Variants in VOPP1 observed in about 807,000 individuals in gnomAD.
The protein encoded by VOPP1 is VOPP1 WW domain binding protein.
In VOPP1, 8 loss-of-function variants were observed where a neutral mutation model predicts 23.5. The ratio of observed to expected loss-of-function variants is 0.34; its 90% confidence interval spans 0.20 to 0.61. VOPP1 has a LOEUF of 0.61. VOPP1 is among the 20% of genes least tolerant of loss of function. The pLI is 0.78. For missense variants in VOPP1, 174 were observed against 238.1 expected, an observed-to-expected ratio of 0.73 and a Z score of 1.77; for synonymous variants, 83 against 97.3, an observed-to-expected ratio of 0.85 and a Z score of 0.86.
chr7:55,501,761 G>T (rs1241253607), intron 2 of VOPP1, among the ~76,000 whole-genome samples: 2 of 152,126 alleles, frequency 1.3e-5, no homozygotes, highest in African/African-American at 2.4e-5. Flanking sequence ...AATAAGGGGG[G>T]TGCAGAACAG....
downstream of VOPP1, among the ~76,000 whole-genome samples, chr7:55,468,284 A>AG (rs199588425): frequency 2.0e-5 from 3 of 147,270 alleles, no homozygotes; most frequent in African/African-American, 7.4e-5. Flanking sequence ...AAAAAAAAAA[A>AG]AAAAGAAAAA....
intron 3 of VOPP1, among the ~76,000 whole-genome samples, chr7:55,496,170 A>G (rs1055446226): frequency 6.6e-6 from 1 of 152,162 alleles, no homozygotes; most frequent in African/African-American, 2.4e-5. Flanking sequence ...TTCATTTTTT[A>G]CAAGCATTCT....
chr7:55,537,467 T>G, intron 1 of VOPP1: 1 of 1,536,038 alleles, frequency 6.5e-7, no homozygotes, highest in Non-Finnish European at 8.7e-7. Context: ...GGGCCAGGCT[T>G]CACAGCAAAC....
At chr7:55,443,116 C>T (rs1791008169) in intron 4 of VOPP1, among the ~76,000 whole-genome samples, 1 of 151,122 alleles carries the variant, frequency 6.6e-6, no homozygotes, top group Non-Finnish European at 1.5e-5. Flanking sequence ...AAGACTCCGT[C>T]TCAAAAAAAT....
intron 2 of VOPP1, among the ~76,000 whole-genome samples, chr7:55,518,314 C>T (rs766715650): frequency 2.0e-5 from 3 of 152,178 alleles, no homozygotes; most frequent in South Asian, 2.1e-4. Context: ...CACTTTAAAA[C>T]GGTTAATTCT....
At chr7:55,439,581 G>T (rs1001968032) in intron 4 of VOPP1, among the ~76,000 whole-genome samples, 1 of 152,244 alleles carries the variant, frequency 6.6e-6, no homozygotes, top group Admixed American at 6.5e-5. Flanking sequence ...AACACAGGAC[G>T]CAGTGGAAGT....
chr7:55,516,932 A>AT (rs71031862), intron 2 of VOPP1, among the ~76,000 whole-genome samples: 10 of 45,158 alleles, frequency 2.2e-4, no homozygotes, highest in African/African-American at 9.6e-4. Flanking sequence ...ATATATATAT[A>AT]TTTTTTTTTT....
At chr7:55,561,907 A>G in intron 1 of VOPP1, 1 of 702,002 alleles carries the variant, frequency 1.4e-6, no homozygotes, top group Non-Finnish European at 2.6e-6. Flanking sequence ...GTCTTCAAGT[A>G]TGGTGGGAGT....
At chr7:55,461,707 C>T (rs147792792) in intron 4 of VOPP1, among the ~76,000 whole-genome samples, 130 of 152,302 alleles carry the variant, frequency 8.5e-4, no homozygotes, top group African/African-American at 2.9e-3. Context: ...TGAGCCACTG[C>T]GCCCGGCCCA....
At chr7:55,512,537 T>C (rs148837727) in intron 2 of VOPP1, among the ~76,000 whole-genome samples, 201 of 152,276 alleles carry the variant, frequency 1.3e-3, no homozygotes, top group Non-Finnish European at 2.4e-3. Flanking sequence ...TGTCTTCAAC[T>C]TACACCAGGA....
chr7:55,490,541 G>A (rs959805353), intron 4 of VOPP1, among the ~76,000 whole-genome samples: 1 of 152,304 alleles, frequency 6.6e-6, no homozygotes, highest in Non-Finnish European at 1.5e-5. Flanking sequence ...CCAGGACCAC[G>A]GACCAGGGAC....
chr7:55,544,655 G>T (rs549269395), intron 1 of VOPP1, among the ~76,000 whole-genome samples: 8 of 152,218 alleles, frequency 5.3e-5, no homozygotes, highest in African/African-American at 1.4e-4. Context: ...TGAAACTGAC[G>T]AATGTAATCT....
intron 4 of VOPP1, among the ~76,000 whole-genome samples, chr7:55,488,551 T>C (rs148540292): frequency 9.8e-4 from 149 of 151,980 alleles, no homozygotes; most frequent in African/African-American, 3.5e-3. Context: ...GCTGCCAATT[T>C]CCTCCCCTCC....
At chr7:55,463,959 G>A (rs1047002572) in intron 4 of VOPP1, among the ~76,000 whole-genome samples, 4 of 152,202 alleles carry the variant, frequency 2.6e-5, no homozygotes, top group Admixed American at 6.5e-5. Context: ...AGATGCTAAT[G>A]GCAGCAGGTG....
chr7:55,529,190 T>C (rs950192024), intron 1 of VOPP1, among the ~76,000 whole-genome samples: 3 of 151,940 alleles, frequency 2.0e-5, no homozygotes, highest in African/African-American at 7.3e-5. Flanking sequence ...CCATCCTGGC[T>C]AACACAGTGA....
intron 2 of VOPP1, among the ~76,000 whole-genome samples, chr7:55,504,305 C>T (rs1794565475): frequency 6.6e-6 from 1 of 152,234 alleles, no homozygotes; most frequent in East Asian, 1.9e-4. Flanking sequence ...GGAGGCTTCC[C>T]AATTTAGAAG....
chr7:55,543,841 T>C (rs112826578), intron 1 of VOPP1, among the ~76,000 whole-genome samples: 14,001 of 152,206 alleles, frequency 0.092, 899 homozygotes, highest in East Asian at 0.27. Flanking sequence ...CTACAAATAT[T>C]TTCTCTCATT....
chr7:55,529,165 G>A (rs1796352096), intron 1 of VOPP1, among the ~76,000 whole-genome samples: 1 of 152,124 alleles, frequency 6.6e-6, no homozygotes, highest in South Asian at 2.1e-4. Flanking sequence ...GGATCACAAG[G>A]TCAGGAGATG....
intron 1 of VOPP1, among the ~76,000 whole-genome samples, chr7:55,535,854 C>G (rs566711377): frequency 5.3e-4 from 80 of 152,314 alleles, no homozygotes; most frequent in South Asian, 1.7e-3. Context: ...GGGGCACTGT[C>G]CCTCTGTGCA....
Sources: allele counts gnomAD v4.1 joint callset (sites outside exome capture counted in the v4.1 genomes callset), GRCh38; gene constraint gnomAD v4.1.1; transcripts MANE v1.5; gene names NCBI Gene and HGNC (gene_info 2026-07-23, HGNC 2026-07-21).